ASAP1: variants seen among roughly 807,000 people sequenced by gnomAD.
The protein encoded by ASAP1 is arf-GAP with SH3 domain, ANK repeat and PH domain-containing protein 1.
ASAP1 carries 43 observed loss-of-function variants against 145.2 expected under a neutral mutation model. That is an observed-to-expected ratio of 0.30 (90% CI 0.23 to 0.38). ASAP1 has a LOEUF of 0.38. Among genes scored for constraint, ASAP1 ranks in the 10% least tolerant of loss-of-function variants. The pLI, the probability that ASAP1 is intolerant of heterozygous loss-of-function variation, is 1.00. For synonymous variants in ASAP1, 546 were observed against 515.5 expected, an observed-to-expected ratio of 1.06 and a Z score of -0.80; for missense variants, 1,018 against 1,355.3, an observed-to-expected ratio of 0.75 and a Z score of 3.91.
intron 4 of ASAP1, among the ~76,000 whole-genome samples, chr8:130,215,641 G>T (rs1816853207): frequency 6.6e-6 from 1 of 152,162 alleles, no homozygotes; most frequent in South Asian, 2.1e-4. Flanking sequence ...CTACTCGGGA[G>T]GCGGAGGCAG....
chr8:130,171,074 A>C (rs1358716765), intron 9 of ASAP1, among the ~76,000 whole-genome samples: 1 of 152,072 alleles, frequency 6.6e-6, no homozygotes, highest in African/African-American at 2.4e-5. Flanking sequence ...TGCAAGTAAA[A>C]CTTCTCAGTA....
chr8:130,329,507 T>C (rs763964722), intron 3 of ASAP1, among the ~76,000 whole-genome samples: 11 of 152,110 alleles, frequency 7.2e-5, no homozygotes, highest in Non-Finnish European at 1.5e-4. Flanking sequence ...TCCAAATCTA[T>C]AGTCCTACAG....
chr8:130,181,015 A>C, intron 7 of ASAP1, 135 bp from the exon 8 acceptor site: 1 of 481,718 alleles, frequency 2.1e-6, no homozygotes. Context: ...TATCAATTGT[A>C]CCACTCTGGT....
At chr8:130,415,818 G>A (rs535054937) in intron 1 of ASAP1, among the ~76,000 whole-genome samples, 16 of 150,924 alleles carry the variant, frequency 1.1e-4, no homozygotes, top group African/African-American at 3.9e-4. Context: ...ATATTCATGA[G>A]ACCTAACACT....
At chr8:130,223,946 T>C (rs1817443933) in intron 4 of ASAP1, among the ~76,000 whole-genome samples, 1 of 152,146 alleles carries the variant, frequency 6.6e-6, no homozygotes, top group Non-Finnish European at 1.5e-5. Context: ...ATAAAACCTA[T>C]CCAAAGTTCT....
chr8:130,085,962 A>G (rs543178339), intron 25 of ASAP1, among the ~76,000 whole-genome samples: 1 of 152,280 alleles, frequency 6.6e-6, no homozygotes, highest in East Asian at 1.9e-4. Context: ...TCTGGCAGGG[A>G]AAAAGCCTGG....
At chr8:130,142,574 G>T (rs1411663868) in intron 13 of ASAP1, among the ~76,000 whole-genome samples, 1 of 152,154 alleles carries the variant, frequency 6.6e-6, no homozygotes, top group Non-Finnish European at 1.5e-5. Flanking sequence ...TTACGTATGG[G>T]GGCCCAGGGA....
chr8:130,146,545 G>A (rs571911247), intron 13 of ASAP1, among the ~76,000 whole-genome samples: 5 of 152,268 alleles, frequency 3.3e-5, no homozygotes, highest in Admixed American at 1.3e-4. Flanking sequence ...GAGTAAAGAC[G>A]TGGAATCAGA....
At chr8:130,100,176 G>C (rs759078605) in intron 24 of ASAP1, among the ~76,000 whole-genome samples, 10 of 152,074 alleles carry the variant, frequency 6.6e-5, no homozygotes, top group Non-Finnish European at 1.2e-4. Context: ...ATCAGGATTT[G>C]TTATTTCTTG....
At chr8:130,076,540 G>C in intron 26 of ASAP1, 134 bp from the exon 27 acceptor site, 1 of 655,432 alleles carries the variant, frequency 1.5e-6, no homozygotes, top group East Asian at 3.0e-5. Flanking sequence ...CTTTTTTTTT[G>C]AGATGGAGTC....
chr8:130,333,070 G>A (rs571572255), intron 3 of ASAP1, among the ~76,000 whole-genome samples: 38 of 152,254 alleles, frequency 2.5e-4, no homozygotes, highest in African/African-American at 8.7e-4. Flanking sequence ...AGGCGAAACC[G>A]TGTCATGCTC....
intron 24 of ASAP1, among the ~76,000 whole-genome samples, chr8:130,102,840 C>T (rs1215478235): frequency 1.3e-5 from 2 of 152,124 alleles, no homozygotes; most frequent in Admixed American, 1.3e-4. Context: ...TAGGTACCAC[C>T]GTGCCCAAGT....
chr8:130,213,332 G>A (rs189621747), intron 5 of ASAP1, among the ~76,000 whole-genome samples: 1 of 152,338 alleles, frequency 6.6e-6, no homozygotes, highest in African/African-American at 2.4e-5. Flanking sequence ...CTGTCAGGAA[G>A]ACAGACACAT....
intron 13 of ASAP1, among the ~76,000 whole-genome samples, chr8:130,137,390 T>A (rs1056099680): frequency 2.0e-5 from 3 of 152,176 alleles, no homozygotes; most frequent in African/African-American, 7.2e-5. Flanking sequence ...AATAAAAAAA[T>A]AATCCACCTC....
At chr8:130,234,995 T>G (rs2136652496) in intron 4 of ASAP1, among the ~76,000 whole-genome samples, 2 of 152,304 alleles carry the variant, frequency 1.3e-5, no homozygotes, top group Middle Eastern at 6.8e-3. Flanking sequence ...GGCAGTGTAT[T>G]AGGGGCCTTA....
chr8:130,306,189 G>A (rs968335364), intron 3 of ASAP1, among the ~76,000 whole-genome samples: 6 of 152,138 alleles, frequency 3.9e-5, no homozygotes, highest in African/African-American at 1.4e-4. Context: ...GAGATTCAGG[G>A]AAAATTATGT....
intron 9 of ASAP1, among the ~76,000 whole-genome samples, chr8:130,170,302 C>CT (rs1280487418): frequency 6.6e-6 from 1 of 151,968 alleles, no homozygotes; most frequent in African/African-American, 2.4e-5. Flanking sequence ...CTACAGGTGC[C>CT]TGCCACCACA....
chr8:130,055,873 C>T (rs1258072756), intron 29 of ASAP1, among the ~76,000 whole-genome samples: 2 of 152,228 alleles, frequency 1.3e-5, no homozygotes, highest in African/African-American at 2.4e-5. Flanking sequence ...CCACCCACCG[C>T]GTGTGGTCTT....
intron 3 of ASAP1, among the ~76,000 whole-genome samples, chr8:130,283,288 A>C (rs1178486591): frequency 6.6e-6 from 1 of 151,764 alleles, no homozygotes; most frequent in Admixed American, 6.6e-5. Context: ...AACAAACAAA[A>C]ACCAAAAAAA....
Sources: gnomAD v4.1 joint callset for allele counts (sites outside exome capture counted in the v4.1 genomes callset) on GRCh38, gnomAD v4.1.1 for gene constraint, MANE v1.5 for transcripts, NCBI Gene and HGNC (gene_info 2026-07-23, HGNC 2026-07-21) for gene names.